The following GUCY1A2 variants were observed in gnomAD, a reference collection of about 807,000 sequenced individuals.
GUCY1A2 encodes guanylate cyclase 1 soluble subunit alpha 2, also known as guanylate cyclase soluble subunit alpha-2.
A neutral mutation model predicts 63.5 loss-of-function variants in GUCY1A2; 27 were observed. The observed-to-expected ratio is 0.43, with a 90% CI of 0.31 to 0.59. GUCY1A2 has a LOEUF of 0.59. Ranked by LOEUF, GUCY1A2 falls within the 20% of genes least tolerant of loss-of-function variation. The pLI, the probability that GUCY1A2 is intolerant of heterozygous loss-of-function variation, is 0.11. For synonymous variants in GUCY1A2, 364 were observed against 343.5 expected (o/e 1.06, Z -0.66); for missense variants, 768 against 913.3 (o/e 0.84, Z 2.05).
intron 4 of GUCY1A2, among the ~76,000 whole-genome samples, chr11:106,851,612 T>C (rs1859356184): frequency 6.6e-6 from 1 of 152,018 alleles, no homozygotes; most frequent in Non-Finnish European, 1.5e-5. Flanking sequence ...AGTGTATTCT[T>C]TACCCAATGT....
At chr11:107,006,199 A>T (rs1017209882) in intron 1 of GUCY1A2, among the ~76,000 whole-genome samples, 1 of 152,232 alleles carries the variant, frequency 6.6e-6, no homozygotes, top group African/African-American at 2.4e-5. Context: ...AGAGTTAAAG[A>T]ACCTGAAGGA....
At chr11:106,718,914 T>A (rs1863264328) in intron 6 of GUCY1A2, among the ~76,000 whole-genome samples, 1 of 152,152 alleles carries the variant, frequency 6.6e-6, no homozygotes, top group Non-Finnish European at 1.5e-5. Context: ...TAATTTGATT[T>A]TGATTCTCAT....
At chr11:106,755,010 A>C (rs1157453975) in intron 6 of GUCY1A2, among the ~76,000 whole-genome samples, 2 of 151,868 alleles carry the variant, frequency 1.3e-5, no homozygotes, top group Non-Finnish European at 2.9e-5. Flanking sequence ...GTAGGCTATT[A>C]TTGCCTCAAT....
At chr11:106,786,541 C>T (rs374064700) in intron 5 of GUCY1A2, among the ~76,000 whole-genome samples, 4 of 152,274 alleles carry the variant, frequency 2.6e-5, no homozygotes, top group South Asian at 4.1e-4. Flanking sequence ...CAGGAATGTC[C>T]ATCGTGTGGA....
At position 106,682,314 on chromosome 11, in the gene GUCY1A2, G is replaced by T. The variant is rs1356583944; in HGVS notation, c.*5235C>A. 2 of 217,378 alleles carry T rather than the reference G, an allele frequency of 9.2e-6. No individual in the cohort carries two copies. Among genetic ancestry groups the T allele is most frequent in the East Asian group, 1.4e-4 (2 of 14,806 alleles). 13.5% of individuals were successfully genotyped at this position (217,378 alleles called of 1,614,324 possible). A position where few individuals can be genotyped will look rare whatever the true frequency, so the allele number is the denominator to read the frequency against. On this transcript the variant is annotated 3_prime_UTR_variant, in exon 8 of 8. Transcript: ENST00000526355. ...ACTTGTATTTATTCCTAGTAATTGGGATTATTTGAATACTTTTCAATGATT... is the reference window on the plus strand; with the variant it reads ...ACTTGTATTTATTCCTAGTAATTGGTATTATTTGAATACTTTTCAATGATT...
intron 5 of GUCY1A2, among the ~76,000 whole-genome samples, chr11:106,781,811 G>A (rs1176338606): frequency 1.3e-5 from 2 of 150,646 alleles, no homozygotes; most frequent in African/African-American, 4.9e-5. Context: ...CAAGAGATTT[G>A]TGCACCTCAG....
chr11:106,677,690 T>C lies in GUCY1A2; in HGVS notation c.*9859A>G, dbSNP rs1417042483. The C allele has an allele frequency of 4.8e-6, 1 of 209,470 alleles. No homozygotes were observed. The highest frequency in any genetic ancestry group is 9.7e-6 in the Non-Finnish European group (1 of 102,882). The allele number at this position is 209,470 out of a possible 1,614,324, so 13.0% of individuals were successfully genotyped here. A position where few individuals can be genotyped will look rare whatever the true frequency, so the allele number is the denominator to read the frequency against. On this transcript the variant is annotated 3_prime_UTR_variant, in exon 8 of 8. Transcript: ENST00000526355. ...ACTGTGTTTAAAAATCTATTTATCC[T>C]TACCATCTATTTTCAGCTTGCCTCT...
chr11:106,812,046 T>A (rs1858768700), intron 4 of GUCY1A2, among the ~76,000 whole-genome samples: 1 of 152,026 alleles, frequency 6.6e-6, no homozygotes, highest in African/African-American at 2.4e-5. Flanking sequence ...ACAGATTGTT[T>A]GTATATGTTT....
At chr11:106,717,401 G>C (rs547530859) in intron 6 of GUCY1A2, among the ~76,000 whole-genome samples, 2 of 152,244 alleles carry the variant, frequency 1.3e-5, no homozygotes, top group South Asian at 4.1e-4. Context: ...TGGTGTCAAG[G>C]ACAATGACAC....
chr11:106,957,116 C>T (rs547126936), intron 3 of GUCY1A2, among the ~76,000 whole-genome samples: 2 of 152,292 alleles, frequency 1.3e-5, no homozygotes, highest in East Asian at 3.9e-4. Context: ...GGGAGCAAGT[C>T]GTCCAGCCTC....
intron 5 of GUCY1A2, among the ~76,000 whole-genome samples, chr11:106,802,422 A>G (rs1410392324): frequency 6.6e-6 from 1 of 152,166 alleles, no homozygotes; most frequent in African/African-American, 2.4e-5. Context: ...ATTTGCATCA[A>G]TGGGACGGTA....
At chr11:106,960,385 T>A (rs1861043557) in intron 3 of GUCY1A2, among the ~76,000 whole-genome samples, 1 of 152,172 alleles carries the variant, frequency 6.6e-6, no homozygotes, top group South Asian at 2.1e-4. Context: ...ACAGATTATT[T>A]TCTGTATTGT....
At chr11:106,842,041 G>T (rs1565307015) in intron 4 of GUCY1A2, among the ~76,000 whole-genome samples, 1 of 151,828 alleles carries the variant, frequency 6.6e-6, no homozygotes, top group African/African-American at 2.4e-5. Flanking sequence ...TTGGCCAATG[G>T]TAAACGATGG....
At chr11:106,900,104 C>G (rs867493243) in intron 4 of GUCY1A2, among the ~76,000 whole-genome samples, 2 of 139,118 alleles carry the variant, frequency 1.4e-5, no homozygotes, top group African/African-American at 5.4e-5. Context: ...AAAAAAAAAA[C>G]AATCTATAAT....
intron 6 of GUCY1A2, among the ~76,000 whole-genome samples, chr11:106,710,769 T>C (rs960783570): frequency 6.6e-6 from 1 of 151,988 alleles, no homozygotes; most frequent in Non-Finnish European, 1.5e-5. Flanking sequence ...GGATAACAAG[T>C]GGGAGATGAT....
chr11:107,017,824 T>TG lies in GUCY1A2; in HGVS notation c.231_232insC (p.Arg78GlnfsTer40), dbSNP rs1861845484. On this transcript the variant is annotated frameshift_variant, in exon 1 of 8. Transcript: ENST00000526355. LOFTEE classifies it high-confidence loss of function. ...TTGACCCGCCTCCGGCGCTGCACCC[T>TG]CCTGGCCCCGGCAGTGGCAGCGGCG... The TG allele has an allele frequency of 7.6e-7, 1 of 1,315,876 alleles. No individual in the cohort carries two copies. Among genetic ancestry groups the TG allele is most frequent in the Non-Finnish European group, 9.7e-7 (1 of 1,034,768 alleles). 81.5% of individuals were successfully genotyped at this position (1,315,876 alleles called of 1,614,324 possible).
chr11:106,757,727 T>C (rs1214896921), intron 6 of GUCY1A2, among the ~76,000 whole-genome samples: 1 of 152,126 alleles, frequency 6.6e-6, no homozygotes, highest in Non-Finnish European at 1.5e-5. Flanking sequence ...TCTGGAAGCT[T>C]TGTCCCAGAG....
At position 106,875,905 on chromosome 11, in the gene GUCY1A2, G is replaced by A. The variant is rs551778378; in HGVS notation, c.1206+63555C>T. Among the ~76,000 whole-genome samples, 16 of 151,746 alleles carry A rather than the reference G, an allele frequency of 1.1e-4. No individual in the cohort carries two copies. In the South Asian group the frequency reaches 2.5e-3, roughly 24 times the overall value. ...AGGAAATGTGGCACTTTACTCTGACGTTAAATATAATGAGGACACCATGGT... is the reference window on the plus strand; with the variant it reads ...AGGAAATGTGGCACTTTACTCTGACATTAAATATAATGAGGACACCATGGT... On this transcript the variant is annotated intron_variant, in intron 4 of 7. Coordinates refer to ENST00000526355, the MANE Select transcript of GUCY1A2 (RefSeq NM_000855.3).
intron 7 of GUCY1A2, among the ~76,000 whole-genome samples, chr11:106,688,916 G>A (rs937238039): frequency 4.6e-5 from 7 of 152,198 alleles, no homozygotes; most frequent in South Asian, 2.1e-4. Flanking sequence ...TGAGGGTTAA[G>A]GCTGGGGCAG....
Sources: gnomAD v4.1 joint callset for allele counts (sites outside exome capture counted in the v4.1 genomes callset) on GRCh38, gnomAD v4.1.1 for gene constraint, MANE v1.5 for transcripts, NCBI Gene and HGNC (gene_info 2026-07-23, HGNC 2026-07-21) for gene names.